Variants in NEK7 observed in about 807,000 individuals in gnomAD.
NEK7 encodes serine/threonine-protein kinase Nek7.
Under a neutral mutation model 44.6 loss-of-function variants are expected in NEK7, and 18 were observed. That is an observed-to-expected ratio of 0.40 (90% CI 0.28 to 0.60). NEK7 has a LOEUF of 0.60. NEK7 is among the 20% of genes least tolerant of loss of function. NEK7 has a pLI of 0.38. For missense variants in NEK7, 256 were observed against 366.5 expected, an observed-to-expected ratio of 0.70 and a Z score of 2.46; for synonymous variants, 130 against 121.1, an observed-to-expected ratio of 1.07 and a Z score of -0.48.
chr1:198,205,603 A>G (rs1558055390), intron 1 of NEK7, among the ~76,000 whole-genome samples: 1 of 152,162 alleles, frequency 6.6e-6, no homozygotes, highest in Non-Finnish European at 1.5e-5. Flanking sequence ...TCTGGGAGAA[A>G]CAGATTTAAT....
Position 198,317,879 on chromosome 1 carries a change from T to TTTTGG in NEK7, c.799-1530_799-1529insGGTTT, listed in dbSNP as rs1462277243. 5.2e-5 allele frequency among the ~76,000 whole-genome samples: 4 copies of TTTTGG among 76,382 alleles called. No homozygotes were observed. The East Asian group carries it at 2.5e-3, about 48-fold the overall frequency. The allele number at this position is 76,382 out of a possible 152,430, so 50.1% of individuals were successfully genotyped here. The stretch of plus-strand genomic sequence containing the variant: ...ATTGTGTATTACTGGATATATTTAT[T>TTTTGG]TTTTTTTTTTTTTTTTTTTTTGGTA... On this transcript the variant is annotated intron_variant, in intron 9 of 9. Coordinates refer to ENST00000367385, the MANE Select transcript of NEK7 (RefSeq NM_133494.3).
chr1:198,293,943 A>C (rs1374770384), intron 8 of NEK7, among the ~76,000 whole-genome samples: 1 of 151,914 alleles, frequency 6.6e-6, no homozygotes, highest in African/African-American at 2.4e-5. Context: ...CCTACTATAT[A>C]TATTTCCTGT....
intron 6 of NEK7, among the ~76,000 whole-genome samples, 182 bp from the exon 7 acceptor site, chr1:198,278,772 G>A (rs1654099697): frequency 6.6e-6 from 1 of 151,860 alleles, no homozygotes; most frequent in South Asian, 2.1e-4. Context: ...GTCTAGCAGA[G>A]AATCGAGAAC....
At chr1:198,287,796 G>C (rs1654421974) in intron 7 of NEK7, among the ~76,000 whole-genome samples, 1 of 151,448 alleles carries the variant, frequency 6.6e-6, no homozygotes, top group African/African-American at 2.4e-5. Context: ...GAAACCTCTT[G>C]GGAGGAAATT....
rs151218667 is a variant in NEK7 at position 198,161,317 on chromosome 1, A to G, written c.-29+4041A>G. On this transcript the variant is annotated intron_variant, in intron 1 of 9. Transcript: ENST00000367385. ...ACAATTTTTTTCTCTGAAGGATCACATGGTAAATATTTCTGGCTTTGTGAG... is the reference window on the plus strand; with the variant it reads ...ACAATTTTTTTCTCTGAAGGATCACGTGGTAAATATTTCTGGCTTTGTGAG... 4.9e-4 allele frequency among the ~76,000 whole-genome samples: 74 copies of G among 152,292 alleles called. 1 individual carries two copies. Among genetic ancestry groups the G allele is most frequent in the African/African-American group, 1.6e-3 (65 of 41,558 alleles).
chr1:198,158,133 G>C (rs947044840), intron 1 of NEK7, among the ~76,000 whole-genome samples: 1 of 152,166 alleles, frequency 6.6e-6, no homozygotes, highest in Non-Finnish European at 1.5e-5. Flanking sequence ...GAGCGTACTG[G>C]GGTCGCGGAG....
chr1:198,291,805 A>C (rs1216772937), intron 7 of NEK7, among the ~76,000 whole-genome samples: 1 of 152,064 alleles, frequency 6.6e-6, no homozygotes, highest in Non-Finnish European at 1.5e-5. Context: ...TCCACACATA[A>C]CTATTAGGTT....
chr1:198,212,496 GC>G, intron 1 of NEK7, among the ~76,000 whole-genome samples: 1 of 152,288 alleles, frequency 6.6e-6, no homozygotes, highest in East Asian at 1.9e-4. Context: ...TGCAGTAGAG[GC>G]AGCTGCACTC....
intron 1 of NEK7, among the ~76,000 whole-genome samples, chr1:198,174,595 C>G (rs56397791): frequency 0.15 from 22,623 of 151,942 alleles, 1,861 homozygotes; most frequent in East Asian, 0.22. Context: ...CTAAGTGGGG[C>G]TTAGTGAAAA....
intron 1 of NEK7, chr1:198,198,041 C>A: frequency 6.7e-7 from 1 of 1,500,920 alleles, no homozygotes; most frequent in Non-Finnish European, 8.9e-7. Context: ...GGGGGGAAAG[C>A]TGGATTGCCC....
At chr1:198,163,192 C>T (rs754235732) in intron 1 of NEK7, among the ~76,000 whole-genome samples, 6 of 151,892 alleles carry the variant, frequency 4.0e-5, no homozygotes, top group Non-Finnish European at 7.4e-5. Flanking sequence ...ACTGCTGGAC[C>T]ATATAGTAAA....
chr1:198,309,099 G>C (rs1425337991), intron 9 of NEK7, among the ~76,000 whole-genome samples: 2 of 152,094 alleles, frequency 1.3e-5, no homozygotes, highest in Non-Finnish European at 2.9e-5. Context: ...GGTACACTGG[G>C]GGCCAAGTAG....
At position 198,242,827 on chromosome 1, in the gene NEK7, A is replaced by AT. The variant is rs779815444; in HGVS notation, c.57+10190_57+10191insT. On this transcript the variant is annotated intron_variant, in intron 2 of 9. Transcript: ENST00000367385. ...ATTTTTAATTTTTTTTTTTGTATTT[A>AT]ATTTTTTTTTTTTTAAGTAGAGATG... Among the ~76,000 whole-genome samples, 763 of 139,704 alleles carry AT rather than the reference A, an allele frequency of 5.5e-3. 9 individuals carry two copies. Among genetic ancestry groups the AT allele is most frequent in the Middle Eastern group, 0.018 (5 of 282 alleles). The allele number at this position is 139,704 out of a possible 152,430, so 91.7% of individuals were successfully genotyped here. A position where few individuals can be genotyped will look rare whatever the true frequency, so the allele number is the denominator to read the frequency against.
At chr1:198,162,160 C>CT (rs1193984858) in intron 1 of NEK7, among the ~76,000 whole-genome samples, 4 of 152,082 alleles carry the variant, frequency 2.6e-5, no homozygotes, top group Admixed American at 6.5e-5. Context: ...TACTGAGTAG[C>CT]ATAGAGCAGA....
chr1:198,192,586 G>A (rs1665112129), intron 1 of NEK7, among the ~76,000 whole-genome samples: 1 of 152,008 alleles, frequency 6.6e-6, no homozygotes, highest in South Asian at 2.1e-4. Context: ...CTCAGCAAAT[G>A]CAAAAGAACT....
At chr1:198,315,949 C>T (rs1655355659) in intron 9 of NEK7, among the ~76,000 whole-genome samples, 1 of 151,986 alleles carries the variant, frequency 6.6e-6, no homozygotes, top group Non-Finnish European at 1.5e-5. Flanking sequence ...TTATTGAAGG[C>T]ATGGGAGTAA....
At chr1:198,280,561 C>G (rs1654162878) in intron 7 of NEK7, among the ~76,000 whole-genome samples, 1 of 151,804 alleles carries the variant, frequency 6.6e-6, no homozygotes, top group African/African-American at 2.4e-5. Flanking sequence ...TGTAAAAGTT[C>G]TAAACAGAAT....
At chr1:198,260,415 CTT>C (rs796568794) in intron 3 of NEK7, among the ~76,000 whole-genome samples, 7 of 142,948 alleles carry the variant, frequency 4.9e-5, no homozygotes, top group African/African-American at 7.7e-5. Context: ...TAGTCCTTTC[CTT>C]TTTTTTTTTT....
intron 1 of NEK7, among the ~76,000 whole-genome samples, chr1:198,214,311 G>A (rs1386553687): frequency 6.6e-6 from 1 of 152,140 alleles, no homozygotes; most frequent in Non-Finnish European, 1.5e-5. Flanking sequence ...TAACTTTCCA[G>A]CAGTGGATCC....
Sources: gnomAD v4.1 joint callset for allele counts (sites outside exome capture counted in the v4.1 genomes callset) on GRCh38, gnomAD v4.1.1 for gene constraint, MANE v1.5 for transcripts, NCBI Gene and HGNC (gene_info 2026-07-23, HGNC 2026-07-21) for gene names.